COBL: variants seen among roughly 807,000 people sequenced by gnomAD.
The protein encoded by COBL is protein cordon-bleu.
Under a neutral mutation model 98.8 loss-of-function variants are expected in COBL, and 51 were observed. The ratio of observed to expected loss-of-function variants is 0.52; its 90% CI spans 0.41 to 0.65. The LOEUF (loss-of-function observed/expected upper bound fraction) is 0.65, where lower values mean the gene tolerates loss of function less well. Ranked by LOEUF, COBL falls within the 30% of genes least tolerant of loss-of-function variation. COBL has a pLI of 0.00. For missense variants in COBL, 1,617 were observed against 1,617.5 expected (o/e 1.00, Z 0.01); for synonymous variants, 634 against 651.7 (o/e 0.97, Z 0.41).
intron 2 of COBL, among the ~76,000 whole-genome samples, chr7:51,203,056 TGAG>T (rs542189737): frequency 1.4e-5 from 2 of 145,132 alleles, no homozygotes; most frequent in African/African-American, 2.5e-5. Flanking sequence ...ATAAGAATAA[TGAG>T]GAGGAGGAGG....
chr7:51,307,924 A>G (rs996201006), intron 1 of COBL, among the ~76,000 whole-genome samples: 47 of 152,314 alleles, frequency 3.1e-4, no homozygotes, highest in African/African-American at 1.1e-3. Flanking sequence ...CACTCTTCCT[A>G]CGTGTGATGT....
At chr7:51,129,059 T>C (rs1175014683) in intron 6 of COBL, among the ~76,000 whole-genome samples, 3 of 152,280 alleles carry the variant, frequency 2.0e-5, no homozygotes, top group Non-Finnish European at 4.4e-5. Flanking sequence ...CCTTAAATTC[T>C]GTCACATCCT....
Position 51,085,226 on chromosome 7 carries a change from G to T in COBL, c.1036C>A (p.Pro346Thr), listed in dbSNP as rs1794098673. The T allele has an allele frequency of 6.2e-7, 1 of 1,614,008 alleles. No homozygotes were observed. The highest frequency in any genetic ancestry group is 8.5e-7 in the Non-Finnish European group (1 of 1,180,018). ...GTGCGGTTGGGGATCAGGGGACTCG[G>T]TGGTGGTGGCTGTGGTGGAGGGGGA... ...PAPPPPQPPP[P>T]SPLIPNRTED... Residue 346 changes from proline (P) to threonine (T), a missense_variant, in exon 7 of 13, where the codon CCG (proline) becomes ACG (threonine). This residue lies in a region of COBL where 1,304 missense variants were observed against 1,282.0 expected (regional missense o/e 1.02). Transcript: ENST00000265136.
intron 7 of COBL, among the ~76,000 whole-genome samples, chr7:51,048,655 C>G (rs975880858): frequency 2.0e-5 from 3 of 151,848 alleles, no homozygotes; most frequent in Non-Finnish European, 4.4e-5. Context: ...ATTCATCAAG[C>G]CTCTTTGTAT....
chr7:51,300,902 G>A (rs1801886375), intron 1 of COBL, among the ~76,000 whole-genome samples: 1 of 152,196 alleles, frequency 6.6e-6, no homozygotes, highest in Non-Finnish European at 1.5e-5. Context: ...ATCTTTTCCA[G>A]GGATATCTGA....
intron 1 of COBL, among the ~76,000 whole-genome samples, chr7:51,308,330 C>T (rs932113984): frequency 3.9e-5 from 6 of 152,134 alleles, no homozygotes; most frequent in African/African-American, 1.4e-4. Context: ...GTTTGAAAAC[C>T]GCCAGAACTG....
At chr7:51,169,411 G>C (rs1787641499) in intron 5 of COBL, among the ~76,000 whole-genome samples, 1 of 152,188 alleles carries the variant, frequency 6.6e-6, no homozygotes, top group African/African-American at 2.4e-5. Context: ...CTGAGGCTGT[G>C]TCATGAGTGC....
chr7:51,129,153 TGC>T (rs1306831658), intron 6 of COBL, among the ~76,000 whole-genome samples: 5 of 152,180 alleles, frequency 3.3e-5, no homozygotes, highest in Admixed American at 3.3e-4. Context: ...CCCTTCAGGC[TGC>T]CATAACAAAA....
At position 51,122,384 on chromosome 7, in the gene COBL, G is replaced by A. The variant is rs562210624; in HGVS notation, c.957+13774C>T. Reference sequence around the variant, plus strand: ...GGATGTTTGTGTCGGACAGGAACTCGGCTTCCTTTGTGCCTCTGAACACAA... The same window carrying A: ...GGATGTTTGTGTCGGACAGGAACTCAGCTTCCTTTGTGCCTCTGAACACAA... On this transcript the variant is annotated intron_variant, in intron 6 of 12. Transcript: ENST00000265136. Among the ~76,000 whole-genome samples the A allele has an allele frequency of 2.6e-5, 4 of 152,268 alleles. No homozygotes were observed. The East Asian group carries it at 5.8e-4, about 22-fold the overall frequency.
intron 7 of COBL, among the ~76,000 whole-genome samples, chr7:51,061,212 A>G (rs1008351868): frequency 6.6e-6 from 1 of 152,022 alleles, no homozygotes; most frequent in East Asian, 1.9e-4. Flanking sequence ...TTTCCTTCTC[A>G]TTTTGTTAAG....
intron 7 of COBL, chr7:51,070,767 G>C (rs1174408079): frequency 4.6e-5 from 7 of 151,782 alleles, no homozygotes; most frequent in Admixed American, 1.3e-4. Context: ...ATGTGTGACT[G>C]ATTATAATGG....
At chr7:51,158,670 C>G (rs1034373491) in intron 5 of COBL, among the ~76,000 whole-genome samples, 7 of 151,928 alleles carry the variant, frequency 4.6e-5, no homozygotes, top group African/African-American at 1.7e-4. Flanking sequence ...GGGAAAGTGT[C>G]CGCCCCTGCC....
In COBL at chr7:51,186,189, C is replaced by G. The variant is rs143433356; in HGVS notation, c.686-1990G>C. Among the ~76,000 whole-genome samples the G allele has an allele frequency of 1.9e-3, 297 of 152,330 alleles. 2 individuals are homozygous for G. The highest frequency in any genetic ancestry group is 6.1e-3 in the African/African-American group (255 of 41,580). ...TATGCTTTAATATGTATGTTTATAA[C>G]CAAGGATGTTTCTAGAATTGAGTGG... On this transcript the variant is annotated intron_variant, in intron 4 of 12. Transcript: ENST00000265136.
chr7:51,313,637 T>C (rs193085694), intron 1 of COBL, among the ~76,000 whole-genome samples: 8 of 152,114 alleles, frequency 5.3e-5, no homozygotes, highest in East Asian at 1.9e-4. Context: ...CTTTCCTCCA[T>C]AGGAAAAAAA....
intron 1 of COBL, among the ~76,000 whole-genome samples, chr7:51,267,522 CAT>C (rs1404658149): frequency 3.3e-5 from 5 of 151,900 alleles, no homozygotes; most frequent in African/African-American, 1.2e-4. Context: ...GTATATTATA[CAT>C]GTTACTAGTA....
chr7:51,260,772 C>T (rs931358255), intron 1 of COBL, among the ~76,000 whole-genome samples: 3 of 152,190 alleles, frequency 2.0e-5, no homozygotes, highest in African/African-American at 7.2e-5. Context: ...TGCAGCAGGG[C>T]AGCCATGGAA....
At chr7:51,148,404 G>A (rs1785241454) in intron 5 of COBL, among the ~76,000 whole-genome samples, 1 of 152,094 alleles carries the variant, frequency 6.6e-6, no homozygotes, top group Admixed American at 6.5e-5. Context: ...AAAACTATAG[G>A]TGCTATTCAA....
At chr7:51,276,647 G>A (rs188620607) in intron 1 of COBL, among the ~76,000 whole-genome samples, 5 of 152,338 alleles carry the variant, frequency 3.3e-5, no homozygotes, top group Middle Eastern at 3.4e-3. Flanking sequence ...CCCACTGCCC[G>A]CAGTAAACAC....
chr7:51,043,844 T>C, intron 7 of COBL, 152 bp from the exon 8 acceptor site: 3 of 644,152 alleles, frequency 4.7e-6, no homozygotes, highest in Non-Finnish European at 5.3e-6. Flanking sequence ...TACTGCTGAA[T>C]ACTCCTGAAA....
Sources: allele counts gnomAD v4.1 joint callset (sites outside exome capture counted in the v4.1 genomes callset), GRCh38; gene constraint gnomAD v4.1.1; regional missense constraint gnomAD v4.1.1; transcripts MANE v1.5; gene names NCBI Gene and HGNC (gene_info 2026-07-23, HGNC 2026-07-21).